Variants in ADAM19 observed in about 807,000 individuals in gnomAD.
ADAM19 encodes disintegrin and metalloproteinase domain-containing protein 19.
In ADAM19, 65 loss-of-function variants were observed where a neutral mutation model predicts 114.7. The observed-to-expected ratio is 0.57, with a 90% CI of 0.46 to 0.70. The LOEUF is 0.70. ADAM19 is among the 30% of genes least tolerant of loss of function. The probability of loss-of-function intolerance (pLI) is 0.00; values close to 1 mark genes in which losing one functional copy is unlikely to be tolerated. For synonymous variants in ADAM19, 466 were observed against 460.5 expected, an observed-to-expected ratio of 1.01 and a Z score of -0.15; for missense variants, 1,063 against 1,204.7, an observed-to-expected ratio of 0.88 and a Z score of 1.74.
intron 3 of ADAM19, among the ~76,000 whole-genome samples, chr5:157,543,605 G>A (rs1187367638): frequency 6.6e-6 from 1 of 152,106 alleles, no homozygotes; most frequent in Non-Finnish European, 1.5e-5. Flanking sequence ...ATTTTCTCCA[G>A]CACTAGCTAT....
chr5:157,572,833 TG>T (rs1271115188), intron 1 of ADAM19, among the ~76,000 whole-genome samples: 1 of 152,172 alleles, frequency 6.6e-6, no homozygotes, highest in Admixed American at 6.5e-5. Flanking sequence ...GCGGATCACC[TG>T]AAGTCAGGAG....
At chr5:157,541,756 C>T (rs1756925353) in intron 3 of ADAM19, among the ~76,000 whole-genome samples, 1 of 152,178 alleles carries the variant, frequency 6.6e-6, no homozygotes. Flanking sequence ...TTCTATTTAT[C>T]GTCAGACAAA....
At chr5:157,518,585 T>C (rs568371503) in intron 7 of ADAM19, among the ~76,000 whole-genome samples, 2 of 152,364 alleles carry the variant, frequency 1.3e-5, no homozygotes, top group Non-Finnish European at 1.5e-5. Context: ...GGTTTCACCA[T>C]GTTGGCCAGG....
rs1757955094 is a variant in ADAM19 at position 157,575,705 on chromosome 5, C to T, written c.-9G>A. On this transcript the variant is annotated 5_prime_UTR_variant, in exon 1 of 23. Coordinates refer to ENST00000257527, the MANE Select transcript of ADAM19 (RefSeq NM_033274.5). Reference sequence around the variant, plus strand: ...CCTGCGCCCCCTGGCATGGTGGCGGCGGCCCTTAGCGCTCGGCGCTCACAC... The same window carrying T: ...CCTGCGCCCCCTGGCATGGTGGCGGTGGCCCTTAGCGCTCGGCGCTCACAC... 7 of 1,316,440 alleles carry T rather than the reference C, an allele frequency of 5.3e-6. No homozygotes were observed. The highest frequency in any genetic ancestry group is 5.8e-6 in the Non-Finnish European group (6 of 1,035,322). 81.5% of individuals were successfully genotyped at this position (1,316,440 alleles called of 1,614,324 possible).
chr5:157,531,643 G>A (rs1756627213), intron 4 of ADAM19, among the ~76,000 whole-genome samples: 1 of 151,842 alleles, frequency 6.6e-6, no homozygotes, highest in South Asian at 2.1e-4. Flanking sequence ...CTCCAGCCTG[G>A]GCGACAGAGT....
At chr5:157,551,696 A>G (rs1757202520) in intron 3 of ADAM19, among the ~76,000 whole-genome samples, 1 of 152,070 alleles carries the variant, frequency 6.6e-6, no homozygotes, top group Admixed American at 6.6e-5. Context: ...TAACAAGACT[A>G]TATAAGGAGC....
At chr5:157,494,913 C>A in intron 14 of ADAM19, 118 bp from the exon 15 acceptor site, 2 of 708,160 alleles carry the variant, frequency 2.8e-6, no homozygotes, top group South Asian at 1.7e-5. Context: ...TACTCAGCCT[C>A]TTCTTCCTGT....
intron 7 of ADAM19, 51 bp from the exon 8 acceptor site, chr5:157,513,556 G>C: frequency 2.0e-6 from 3 of 1,504,434 alleles, no homozygotes; most frequent in Non-Finnish European, 2.8e-6. Context: ...CTCACAGGAT[G>C]CTTCCTGCGC....
In ADAM19 at chr5:157,480,864, G is replaced by C; in HGVS notation, c.*85C>G. 6.2e-7 allele frequency: 1 copy of C among 1,602,092 alleles called. No homozygotes were observed. The highest frequency in any genetic ancestry group is 8.5e-7 in the Non-Finnish European group (1 of 1,174,990). On this transcript the variant is annotated 3_prime_UTR_variant, in exon 23 of 23. Coordinates refer to ENST00000257527, the MANE Select transcript of ADAM19 (RefSeq NM_033274.5). ...GGTGGGAGGAGCTCAGAGGCGGCCA[G>C]ACATGCTTCTTCAGGGTTCCATGGC...
At chr5:157,486,374 A>T (rs1183367814) in intron 21 of ADAM19, among the ~76,000 whole-genome samples, 1 of 152,116 alleles carries the variant, frequency 6.6e-6, no homozygotes, top group Non-Finnish European at 1.5e-5. Flanking sequence ...TTGTAGAGAG[A>T]CACCCACCTG....
chr5:157,499,691 G>A, intron 12 of ADAM19, 29 bp from the exon 13 acceptor site: 2 of 1,508,624 alleles, frequency 1.3e-6, no homozygotes, highest in Middle Eastern at 1.9e-4. Flanking sequence ...GGGTGTGAGT[G>A]GGGGAGGGCC....
At position 157,478,162 on chromosome 5, in the gene ADAM19, T is replaced by C. The variant is rs981210088; in HGVS notation, c.*2787A>G. The C allele has an allele frequency of 1.9e-5, 3 of 157,192 alleles. No individual in the cohort carries two copies. Among genetic ancestry groups the C allele is most frequent in the Admixed American group, 1.9e-4 (3 of 16,150 alleles). 9.7% of individuals were successfully genotyped at this position (157,192 alleles called of 1,614,324 possible). On this transcript the variant is annotated 3_prime_UTR_variant, in exon 23 of 23. Transcript: ENST00000257527. ...TCACTTTTAAAAAGATTTACCTACA[T>C]CCCCATCTGCACAAAGAGCTTGCTA...
At chr5:157,570,700 T>C (rs762632536) in intron 2 of ADAM19, 195 bp downstream of exon 2, 3 of 524,414 alleles carry the variant, frequency 5.7e-6, no homozygotes, top group African/African-American at 1.9e-5. Context: ...ACTAATAGCA[T>C]TGGGAAGTGT....
At chr5:157,488,100 C>T (rs528163787) in intron 21 of ADAM19, among the ~76,000 whole-genome samples, 165 bp downstream of exon 21, 1 of 152,188 alleles carries the variant, frequency 6.6e-6, no homozygotes, top group Admixed American at 6.5e-5. Context: ...TATTTCCCCA[C>T]GTTCGTTGCT....
chr5:157,539,062 A>G (rs1455238122), intron 3 of ADAM19, among the ~76,000 whole-genome samples: 1 of 151,718 alleles, frequency 6.6e-6, no homozygotes, highest in Non-Finnish European at 1.5e-5. Context: ...CTGAGGCAGG[A>G]GAACTGCTTG....
chr5:157,499,549 G>A, intron 13 of ADAM19, 24 bp downstream of exon 13: 1 of 1,597,808 alleles, frequency 6.3e-7, no homozygotes, highest in South Asian at 1.1e-5. Flanking sequence ...CAGGGCCCAA[G>A]GCGTGGAGAA....
At chr5:157,508,563 G>A (rs1043417623) in intron 9 of ADAM19, among the ~76,000 whole-genome samples, 8 of 151,316 alleles carry the variant, frequency 5.3e-5, no homozygotes, top group Non-Finnish European at 1.0e-4. Flanking sequence ...TCACGCTACT[G>A]CACTCCAGCC....
intron 1 of ADAM19, among the ~76,000 whole-genome samples, 187 bp from the exon 2 acceptor site, chr5:157,571,167 A>G (rs1004969232): frequency 6.6e-6 from 1 of 152,208 alleles, no homozygotes; most frequent in Admixed American, 6.5e-5. Context: ...TAGGACATAT[A>G]AGGTCTCTGT....
Position 157,478,726 on chromosome 5 carries a change from G to A in ADAM19, c.*2223C>T, listed in dbSNP as rs368737522. The A allele has an allele frequency of 1.0e-6, 1 of 985,862 alleles. No homozygotes were observed. 61.1% of individuals were successfully genotyped at this position (985,862 alleles called of 1,614,324 possible). ...ACATTCCACCATCTTCCAGTTCACAGTACAACTTTATGGGATGGAGGTGAT... is the reference window on the plus strand; with the variant it reads ...ACATTCCACCATCTTCCAGTTCACAATACAACTTTATGGGATGGAGGTGAT... On this transcript the variant is annotated 3_prime_UTR_variant, in exon 23 of 23. Transcript: ENST00000257527.
Sources: allele counts gnomAD v4.1 joint callset (sites outside exome capture counted in the v4.1 genomes callset), GRCh38; gene constraint gnomAD v4.1.1; transcripts MANE v1.5; gene names NCBI Gene and HGNC (gene_info 2026-07-23, HGNC 2026-07-21).